DDC: variants seen among roughly 807,000 people sequenced by gnomAD.
DDC encodes dopa decarboxylase, also known as aromatic-L-amino-acid decarboxylase.
DDC carries 43 observed loss-of-function variants against 60.0 expected under a neutral mutation model. That is an observed-to-expected ratio of 0.72 (90% confidence interval 0.56 to 0.92). The LOEUF (loss-of-function observed/expected upper bound fraction) is 0.92, where lower values mean the gene tolerates loss of function less well. Among genes scored for constraint, DDC ranks in the 40% least tolerant of loss-of-function variants. The probability of loss-of-function intolerance (pLI) is 0.00; values close to 1 mark genes in which losing one functional copy is unlikely to be tolerated. For synonymous variants in DDC, 232 were observed against 234.6 expected (o/e 0.99, Z 0.10); for missense variants, 573 against 620.2 (o/e 0.92, Z 0.81).
At chr7:50,525,766 A>AT (rs1554429661) in intron 6 of DDC, among the ~76,000 whole-genome samples, 6 of 152,000 alleles carry the variant, frequency 3.9e-5, no homozygotes, top group African/African-American at 1.2e-4. Context: ...TCTGTCTCAA[A>AT]AAAATAAAAT....
chr7:50,545,512 G>A (rs2044772792), intron 1 of DDC, among the ~76,000 whole-genome samples: 1 of 151,986 alleles, frequency 6.6e-6, no homozygotes, highest in African/African-American at 2.4e-5. Flanking sequence ...TGCTCTTGTC[G>A]CCCAGGCTGA....
At chr7:50,545,495 G>A (rs1052745523) in intron 1 of DDC, among the ~76,000 whole-genome samples, 22 of 152,100 alleles carry the variant, frequency 1.4e-4, no homozygotes, top group African/African-American at 3.1e-4. Context: ...TTTTTGAAAC[G>A]GAGTTTTGCT....
intron 6 of DDC, chr7:50,527,736 C>T (rs557811953): frequency 4.1e-6 from 1 of 246,762 alleles, no homozygotes; most frequent in South Asian, 5.4e-5. Flanking sequence ...GGCAGGTACA[C>T]CTTGATCCAC....
At chr7:50,488,539 A>T (rs1198147407) in intron 9 of DDC, among the ~76,000 whole-genome samples, 1 of 152,132 alleles carries the variant, frequency 6.6e-6, no homozygotes, top group East Asian at 1.9e-4. Context: ...TTTAAAAAAG[A>T]GGATGTTTGG....
At chr7:50,488,719 T>G (rs1012314615) in intron 9 of DDC, among the ~76,000 whole-genome samples, 1 of 152,156 alleles carries the variant, frequency 6.6e-6, no homozygotes, top group Non-Finnish European at 1.5e-5. Context: ...AAAAATACAC[T>G]AATAAACTAA....
intron 7 of DDC, 123 bp downstream of exon 7, chr7:50,503,870 A>G: frequency 1.3e-6 from 1 of 796,406 alleles, no homozygotes; most frequent in East Asian, 2.4e-5. Context: ...CAAATACGAG[A>G]AGAGCTGGGC....
At chr7:50,548,635 G>T (rs923853576) in intron 1 of DDC, among the ~76,000 whole-genome samples, 1 of 152,176 alleles carries the variant, frequency 6.6e-6, no homozygotes, top group Non-Finnish European at 1.5e-5. Context: ...TGTTCATGAG[G>T]TTTATGGAAA....
At chr7:50,554,119 T>C (rs1316083541) in intron 1 of DDC, among the ~76,000 whole-genome samples, 3 of 152,174 alleles carry the variant, frequency 2.0e-5, no homozygotes. Flanking sequence ...CAAGAGTCAC[T>C]GCTTTCAGTT....
At chr7:50,544,170 G>T in intron 1 of DDC, 57 bp from the exon 2 acceptor site, 1 of 1,351,516 alleles carries the variant, frequency 7.4e-7, no homozygotes, top group Non-Finnish European at 1.1e-6. Context: ...CTGGAAGGCG[G>T]GGATACCAAG....
At chr7:50,531,116 A>G (rs2044192094) in intron 4 of DDC, among the ~76,000 whole-genome samples, 1 of 152,160 alleles carries the variant, frequency 6.6e-6, no homozygotes, top group Non-Finnish European at 1.5e-5. Context: ...TTCAGGCTAT[A>G]TTTTCATGAG....
intron 1 of DDC, among the ~76,000 whole-genome samples, chr7:50,546,242 T>G (rs1009704559): frequency 6.6e-6 from 1 of 152,164 alleles, no homozygotes; most frequent in African/African-American, 2.4e-5. Context: ...AAAGAAAAAT[T>G]GTTCACCAGG....
In DDC at chr7:50,480,392, G is replaced by A. The variant is rs575685014; in HGVS notation, c.945-529C>T. ...ACTTTGCCATTGCATTTCTTTGTTT[G>A]TACTCTTTATAACCTGTAAACCTAA... On this transcript the variant is annotated intron_variant, in intron 9 of 14. Coordinates refer to ENST00000444124, the MANE Select transcript of DDC (RefSeq NM_001082971.2). Among the ~76,000 whole-genome samples the A allele has an allele frequency of 3.5e-4, 53 of 152,284 alleles. 1 individual carries two copies. In the South Asian group the frequency reaches 4.6e-3, roughly 13 times the overall value.
chr7:50,489,374 G>A (rs1292586177), intron 9 of DDC, among the ~76,000 whole-genome samples: 1 of 152,092 alleles, frequency 6.6e-6, no homozygotes, highest in Admixed American at 6.5e-5. Context: ...TTATAACACA[G>A]GATGCACTCT....
At chr7:50,513,055 T>G (rs1259149083) in intron 6 of DDC, among the ~76,000 whole-genome samples, 1 of 152,150 alleles carries the variant, frequency 6.6e-6, no homozygotes, top group Admixed American at 6.5e-5. Context: ...TAGCTCCAGG[T>G]TGACTGCAAG....
intron 1 of DDC, among the ~76,000 whole-genome samples, chr7:50,555,482 C>T (rs1240525401): frequency 3.9e-5 from 6 of 152,156 alleles, no homozygotes; most frequent in East Asian, 1.9e-4. Context: ...TTTCCTTCAT[C>T]CTGTAGGCCA....
At chr7:50,535,356 A>G (rs1563036226) in intron 4 of DDC, among the ~76,000 whole-genome samples, 1 of 152,160 alleles carries the variant, frequency 6.6e-6, no homozygotes, top group Non-Finnish European at 1.5e-5. Context: ...CATGTTGGCC[A>G]GGCTGGTCTC....
At chr7:50,479,765 A>G in intron 10 of DDC, 22 bp downstream of exon 10, 4 of 1,610,470 alleles carry the variant, frequency 2.5e-6, no homozygotes, top group Non-Finnish European at 2.5e-6. Context: ...AACAGTCCAC[A>G]GAAAGCAGGC....
At chr7:50,515,019 G>A (rs1357913981) in intron 6 of DDC, among the ~76,000 whole-genome samples, 6 of 152,160 alleles carry the variant, frequency 3.9e-5, no homozygotes, top group Non-Finnish European at 4.4e-5. Context: ...AAATTTCCCC[G>A]ACCTGGCTAG....
chr7:50,518,851 C>T (rs2043811347), intron 6 of DDC, among the ~76,000 whole-genome samples: 2 of 152,148 alleles, frequency 1.3e-5, no homozygotes, highest in Admixed American at 6.5e-5. Flanking sequence ...TGAACAAGAA[C>T]CCAAAAGCAA....
Sources: allele counts gnomAD v4.1 joint callset (sites outside exome capture counted in the v4.1 genomes callset), GRCh38; gene constraint gnomAD v4.1.1; transcripts MANE v1.5; gene names NCBI Gene and HGNC (gene_info 2026-07-23, HGNC 2026-07-21).